The following ESR1 variants were observed in gnomAD, a reference collection of about 807,000 sequenced individuals.
The protein encoded by ESR1 is estrogen receptor 1, also known as estrogen receptor.
Under a neutral mutation model 52.7 loss-of-function variants are expected in ESR1, and 12 were observed. The ratio of observed to expected loss-of-function variants is 0.23; its 90% CI spans 0.15 to 0.37. The LOEUF (loss-of-function observed/expected upper bound fraction) is 0.37, where lower values mean the gene tolerates loss of function less well. Ranked by LOEUF, ESR1 falls within the 10% of genes least tolerant of loss-of-function variation. The pLI is 1.00. For synonymous variants in ESR1, 305 were observed against 316.8 expected, an observed-to-expected ratio of 0.96 and a Z score of 0.39; for missense variants, 584 against 779.7, an observed-to-expected ratio of 0.75 and a Z score of 2.99.
intron 3 of ESR1, among the ~76,000 whole-genome samples, chr6:151,931,510 G>C (rs1436928880): frequency 2.0e-5 from 3 of 151,246 alleles, no homozygotes; most frequent in African/African-American, 4.9e-5. Context: ...GTGCAGGTTA[G>C]TTACATATGT....
At chr6:152,054,953 G>C (rs1313941430) in intron 5 of ESR1, among the ~76,000 whole-genome samples, 1 of 152,168 alleles carries the variant, frequency 6.6e-6, no homozygotes, top group African/African-American at 2.4e-5. Flanking sequence ...TTGGTCATTT[G>C]GGAGCAATGT....
At chr6:152,114,941 A>AGAACT (rs1442377369) in intron 6 of ESR1, among the ~76,000 whole-genome samples, 1 of 151,328 alleles carries the variant, frequency 6.6e-6, no homozygotes, top group Non-Finnish European at 1.5e-5. Context: ...TCCTCATATA[A>AGAACT]GAACTGAAGT....
In ESR1 at chr6:151,914,057, A is replaced by G. The variant is rs753358167; in HGVS notation, c.761-30116A>G. Among the ~76,000 whole-genome samples, 82 of 152,082 alleles carry G rather than the reference A, an allele frequency of 5.4e-4. 2 individuals are homozygous for G. The highest frequency in any genetic ancestry group is 4.2e-4 in the South Asian group (2 of 4,810). On this transcript the variant is annotated intron_variant, in intron 3 of 7. Coordinates refer to ENST00000206249, the MANE Select transcript of ESR1 (RefSeq NM_000125.4). ...AGGATCTCTGTGTTCTATTCCTTCA[A>G]TTTAAAATCATAGGAAAAATAACTA...
At chr6:152,127,875 A>G (rs1040930341) in exon 7 of ESR1, 3 of 152,240 alleles carry the variant, frequency 2.0e-5, no homozygotes, top group Non-Finnish European at 2.9e-5. Context: ...TAACTTGAAT[A>G]CATTTTTAAA....
intron 5 of ESR1, among the ~76,000 whole-genome samples, chr6:152,021,296 T>C (rs1022632534): frequency 6.6e-6 from 1 of 152,140 alleles, no homozygotes; most frequent in African/African-American, 2.4e-5. Context: ...AGCATTGGAC[T>C]CCAAAATATT....
chr6:151,960,914 T>C (rs1342019881), intron 4 of ESR1, among the ~76,000 whole-genome samples: 1 of 152,194 alleles, frequency 6.6e-6, no homozygotes, highest in Admixed American at 6.5e-5. Flanking sequence ...ATTTTCCCGA[T>C]GGGCTGGGCG....
At chr6:152,082,064 ACTATT>A in intron 6 of ESR1, among the ~76,000 whole-genome samples, 1 of 152,348 alleles carries the variant, frequency 6.6e-6, no homozygotes, top group Non-Finnish European at 1.5e-5. Context: ...TCCTTCAGAA[ACTATT>A]CCAATCAATA....
At chr6:152,110,595 G>T (rs191816049) in intron 6 of ESR1, among the ~76,000 whole-genome samples, 1 of 152,016 alleles carries the variant, frequency 6.6e-6, no homozygotes, top group Non-Finnish European at 1.5e-5. Context: ...TAATACCTGC[G>T]CGACAAAATA....
intron 2 of ESR1, among the ~76,000 whole-genome samples, chr6:151,791,608 G>A (rs906559042): frequency 1.3e-5 from 2 of 152,196 alleles, no homozygotes; most frequent in Admixed American, 6.5e-5. Flanking sequence ...GCTGAGCTGG[G>A]ACTCAAGAAT....
intron 2 of ESR1, among the ~76,000 whole-genome samples, chr6:151,777,123 C>CTTTTT (rs768370394): frequency 1.0e-4 from 14 of 133,558 alleles, no homozygotes; most frequent in East Asian, 6.5e-4. Flanking sequence ...CTTTTCTTTT[C>CTTTTT]TTTTTTTTTT....
Position 151,739,565 on chromosome 6 carries a change from T to A in ESR1, c.-71+37560T>A, listed in dbSNP as rs1167819650. On this transcript the variant is annotated intron_variant, in intron 2 of 2. Coordinates refer to the ESR1 transcript ENST00000404742. ...GACTATAACCATTTTCAAAGTCCTG[T>A]GTGTAACAAACCTCAAGGATTGATT... is the stretch of plus-strand genomic sequence containing the variant. Among the ~76,000 whole-genome samples the A allele has an allele frequency of 2.0e-5, 3 of 152,264 alleles. No homozygotes were observed. The East Asian group carries it at 5.8e-4, about 29-fold the overall frequency.
chr6:151,822,315 T>C (rs903141689), intron 1 of ESR1, among the ~76,000 whole-genome samples: 3 of 152,226 alleles, frequency 2.0e-5, no homozygotes, highest in African/African-American at 7.2e-5. Context: ...TCACATTTCT[T>C]TTCCTTTCGG....
intron 5 of ESR1, among the ~76,000 whole-genome samples, chr6:152,020,698 G>A (rs1036886071): frequency 6.6e-6 from 1 of 152,072 alleles, no homozygotes; most frequent in African/African-American, 2.4e-5. Context: ...TGATCTACCC[G>A]CCTTGGCCTC....
At chr6:152,009,720 TA>T (rs1474118266) in intron 4 of ESR1, among the ~76,000 whole-genome samples, 9 of 152,184 alleles carry the variant, frequency 5.9e-5, no homozygotes, top group African/African-American at 2.2e-4. Context: ...ACAGATATCC[TA>T]CTCTTACGTA....
At chr6:151,818,566 A>G (rs1014653291) in intron 1 of ESR1, among the ~76,000 whole-genome samples, 9 of 152,202 alleles carry the variant, frequency 5.9e-5, no homozygotes, top group Admixed American at 5.2e-4. Flanking sequence ...GAGTTCTTAT[A>G]CTGAATGACT....
intron 2 of ESR1, among the ~76,000 whole-genome samples, chr6:151,724,396 T>A (rs1331153480): frequency 6.6e-6 from 1 of 152,008 alleles, no homozygotes; most frequent in South Asian, 2.1e-4. Context: ...TGGAGGGGTG[T>A]TGTCTGAGGA....
At chr6:152,057,837 C>A (rs1167903648) in intron 5 of ESR1, among the ~76,000 whole-genome samples, 1 of 152,010 alleles carries the variant, frequency 6.6e-6, no homozygotes, top group African/African-American at 2.4e-5. Context: ...GGTAATAATT[C>A]CTGGTTAGGA....
chr6:151,890,028 T>C (rs530384822), intron 3 of ESR1, among the ~76,000 whole-genome samples: 2 of 152,258 alleles, frequency 1.3e-5, no homozygotes, highest in East Asian at 3.9e-4. Context: ...ATGGTGTCAA[T>C]GTTCTTAAAT....
intron 1 of ESR1, among the ~76,000 whole-genome samples, chr6:151,660,275 G>A (rs1328058008): frequency 6.6e-6 from 1 of 152,194 alleles, no homozygotes. Context: ...AACTTTGTGA[G>A]GCAGTGACTT....
Sources: gnomAD v4.1 joint callset for allele counts (sites outside exome capture counted in the v4.1 genomes callset) on GRCh38, gnomAD v4.1.1 for gene constraint, MANE v1.5 for transcripts, NCBI Gene and HGNC (gene_info 2026-07-23, HGNC 2026-07-21) for gene names.